Variants in RABL2A observed in about 807,000 individuals in gnomAD.
The protein encoded by RABL2A is RAB, member of RAS oncogene family like 2A, also known as rab-like protein 2A.
In RABL2A, 17 loss-of-function variants were observed where a neutral mutation model predicts 30.7. That is an observed-to-expected ratio of 0.55 (90% CI 0.38 to 0.83). The LOEUF (loss-of-function observed/expected upper bound fraction) is 0.83. Among genes scored for constraint, RABL2A ranks in the 40% least tolerant of loss-of-function variants. The pLI, the probability that RABL2A is intolerant of heterozygous loss-of-function variation, is 0.00. For missense variants in RABL2A, 155 were observed against 272.6 expected, an observed-to-expected ratio of 0.57 and a Z score of 3.04; for synonymous variants, 64 against 101.8, an observed-to-expected ratio of 0.63 and a Z score of 2.24.
chr2:113,628,778 T>C, intron 2 of RABL2A, 65 bp downstream of exon 2: 1 of 801,194 alleles, frequency 1.2e-6, no homozygotes, highest in Non-Finnish European at 2.0e-6. Context: ...TAAAAAGTCC[T>C]CCAGAGGCAG....
At chr2:113,631,774 G>A (rs1214589908) in intron 2 of RABL2A, among the ~76,000 whole-genome samples, 1 of 151,556 alleles carries the variant, frequency 6.6e-6, no homozygotes, top group Non-Finnish European at 1.5e-5. Flanking sequence ...GCTTGGATGA[G>A]GCAAGTTTAT....
chr2:113,641,493 G>C (rs1685152315), intron 7 of RABL2A, 43 bp downstream of exon 7: 1 of 1,611,214 alleles, frequency 6.2e-7, no homozygotes. Context: ...CAGGGCGCTA[G>C]GTGGTAAAGG....
Position 113,629,174 on chromosome 2 carries a change from G to A in RABL2A, c.107+461G>A, listed in dbSNP as rs56141124. Among the ~76,000 whole-genome samples, 914 of 152,218 alleles carry A rather than the reference G, an allele frequency of 6.0e-3. 6 individuals carry two copies. Among genetic ancestry groups the A allele is most frequent in the Non-Finnish European group, 0.01 (689 of 68,000 alleles). On this transcript the variant is annotated intron_variant, in intron 2 of 8. Transcript: ENST00000683472. ...CTGGCTTCTTCTTGTAATGAATTTC[G>A]GTGCCTACATGCCACCTGGAGAGGT...
chr2:113,640,858 A>C (rs543683806), intron 5 of RABL2A, 36 bp from the exon 6 acceptor site: 1 of 1,613,550 alleles, frequency 6.2e-7, no homozygotes, highest in Admixed American at 1.7e-5. Context: ...AAACATTGAC[A>C]TACCTGAGCT....
rs1376749486 is a variant in RABL2A, at chr2:113,642,171, C to A, written c.*42C>A. 1 of 1,563,172 alleles carries A rather than the reference C, an allele frequency of 6.4e-7. No homozygotes were observed. The highest frequency in any genetic ancestry group is 1.4e-5 in the African/African-American group (1 of 72,878). ...GTGGGTGGAGCCCTTTTAAAATACC[C>A]TTCCCTTCAACAACTCTCCAGCTCT... On this transcript the variant is annotated 3_prime_UTR_variant, in exon 9 of 9. Transcript: ENST00000683472.
At chr2:113,628,382 A>G in intron 1 of RABL2A, 172 bp from the exon 2 acceptor site, 3 of 471,924 alleles carry the variant, frequency 6.4e-6, no homozygotes, top group Non-Finnish European at 1.1e-5. Context: ...ATTTGTGTAT[A>G]ACATATTACT....
intron 5 of RABL2A, among the ~76,000 whole-genome samples, chr2:113,639,752 A>C (rs1340248462): frequency 1.3e-5 from 2 of 152,060 alleles, no homozygotes; most frequent in African/African-American, 4.8e-5. Flanking sequence ...GCTACTGAGG[A>C]GGCTGAGACA....
intron 3 of RABL2A, chr2:113,633,510 C>G (rs1361572434): frequency 5.0e-6 from 1 of 201,326 alleles, no homozygotes; most frequent in Non-Finnish European, 1.0e-5. Context: ...TGCTGCCTGT[C>G]CTAGGCTCGG....
chr2:113,631,594 C>G (rs1680386983), intron 2 of RABL2A, among the ~76,000 whole-genome samples: 1 of 152,138 alleles, frequency 6.6e-6, no homozygotes, highest in African/African-American at 2.4e-5. Context: ...GGTAGGCCTG[C>G]TCTGTTTTTG....
At chr2:113,640,841 G>A in intron 5 of RABL2A, 53 bp from the exon 6 acceptor site, 4 of 1,608,606 alleles carry the variant, frequency 2.5e-6, no homozygotes, top group Non-Finnish European at 3.4e-6. Context: ...CTGGAGATGG[G>A]GTGCAGAAAC....
intron 2 of RABL2A, among the ~76,000 whole-genome samples, chr2:113,629,443 G>GT (rs1164377039): frequency 6.6e-6 from 1 of 151,896 alleles, no homozygotes; most frequent in East Asian, 1.9e-4. Context: ...GGCTTTGCTG[G>GT]TTTTTAGGCC....
Position 113,633,931 on chromosome 2 carries a change from A to G in RABL2A, c.138-222A>G, listed in dbSNP as rs541212920. Reference sequence around the variant, plus strand: ...TGTTTTACCTCAGACTTCGATGGCCAGGACACACTCTCATCTCCTCCCACC... The same window carrying G: ...TGTTTTACCTCAGACTTCGATGGCCGGGACACACTCTCATCTCCTCCCACC... On this transcript the variant is annotated intron_variant, in intron 3 of 8. Coordinates refer to ENST00000683472, the MANE Select transcript of RABL2A (RefSeq NM_001306158.2). The G allele has an allele frequency of 3.2e-6, 3 of 950,604 alleles. No homozygotes were observed. In the South Asian group the frequency reaches 5.3e-5, roughly 17 times the overall value. 58.9% of individuals were successfully genotyped at this position (950,604 alleles called of 1,614,324 possible). A position where few individuals can be genotyped will look rare whatever the true frequency, so the allele number is the denominator to read the frequency against.
intron 2 of RABL2A, among the ~76,000 whole-genome samples, chr2:113,631,905 T>G (rs925601036): frequency 1.3e-5 from 2 of 152,026 alleles, no homozygotes; most frequent in Non-Finnish European, 2.9e-5. Flanking sequence ...TTGTGTAATT[T>G]TCTACGTGAT....
chr2:113,641,152 C>G (rs932765045), intron 6 of RABL2A, 147 bp downstream of exon 6: 1 of 901,244 alleles, frequency 1.1e-6, no homozygotes, highest in African/African-American at 1.7e-5. Flanking sequence ...TGCTTGCATT[C>G]TTCCCACCTT....
intron 5 of RABL2A, chr2:113,637,636 C>T (rs1363542874): frequency 1.6e-6 from 2 of 1,229,612 alleles, no homozygotes; most frequent in African/African-American, 3.2e-5. Flanking sequence ...AGCTTTAACT[C>T]TGATAACTGT....
intron 3 of RABL2A, chr2:113,633,782 C>T (rs1234236718): frequency 1.1e-5 from 3 of 268,074 alleles, no homozygotes; most frequent in South Asian, 4.6e-5. Context: ...ATGTTGCTAC[C>T]TAGGGTTAGG....
chr2:113,637,434 G>A (rs1365888453), intron 5 of RABL2A: 4 of 1,097,352 alleles, frequency 3.6e-6, no homozygotes, highest in African/African-American at 1.6e-5. Context: ...GCAGGATGCT[G>A]GGAATGCCCA....
At chr2:113,634,906 G>A (rs1574020199) in intron 4 of RABL2A, 145 bp from the exon 5 acceptor site, 1 of 892,608 alleles carries the variant, frequency 1.1e-6, no homozygotes, top group South Asian at 1.4e-5. Context: ...AGACACACGT[G>A]TGGGGCTGTA....
intron 4 of RABL2A, chr2:113,634,619 C>T (rs1372163593): frequency 2.5e-6 from 1 of 407,934 alleles, no homozygotes; most frequent in Admixed American, 3.7e-5. Context: ...TTATCTCCCA[C>T]ATCGGGCTGC....
Sources: gnomAD v4.1 joint callset for allele counts (sites outside exome capture counted in the v4.1 genomes callset) on GRCh38, gnomAD v4.1.1 for gene constraint, MANE v1.5 for transcripts, NCBI Gene and HGNC (gene_info 2026-07-23, HGNC 2026-07-21) for gene names.